The following RNGTT variants were observed in gnomAD, a reference collection of about 807,000 sequenced individuals.
The protein encoded by RNGTT is mRNA-capping enzyme.
In RNGTT, 33 loss-of-function variants were observed where a neutral mutation model predicts 79.3. The observed-to-expected ratio is 0.42, with a 90% CI of 0.32 to 0.56. The LOEUF is 0.56. Among genes scored for constraint, RNGTT ranks in the 20% least tolerant of loss-of-function variants. The pLI is 0.17. For synonymous variants in RNGTT, 222 were observed against 235.9 expected (o/e 0.94, Z 0.54); for missense variants, 497 against 739.1 (o/e 0.67, Z 3.80).
chr6:88,649,458 G>A (rs1773709798), intron 14 of RNGTT, among the ~76,000 whole-genome samples: 1 of 152,218 alleles, frequency 6.6e-6, no homozygotes, highest in Non-Finnish European at 1.5e-5. Flanking sequence ...CAGCACTTTG[G>A]GAGGCCGAGG....
chr6:88,614,644 C>T (rs1772153822), intron 14 of RNGTT, among the ~76,000 whole-genome samples: 1 of 152,124 alleles, frequency 6.6e-6, no homozygotes, highest in South Asian at 2.1e-4. Flanking sequence ...TTAAAAGAAG[C>T]TAGGCAGAAA....
intron 11 of RNGTT, among the ~76,000 whole-genome samples, chr6:88,836,046 T>C (rs1781067486): frequency 6.8e-6 from 1 of 146,484 alleles, no homozygotes; most frequent in African/African-American, 2.5e-5. Flanking sequence ...GATTTACATA[T>C]ATATATATAT....
chr6:88,668,550 T>C (rs1414619021), intron 14 of RNGTT, among the ~76,000 whole-genome samples: 1 of 152,208 alleles, frequency 6.6e-6, no homozygotes, highest in African/African-American at 2.4e-5. Context: ...TAAAATAACC[T>C]TTCTGTTTTA....
chr6:88,629,201 T>G (rs768731222), intron 14 of RNGTT, among the ~76,000 whole-genome samples: 5 of 152,182 alleles, frequency 3.3e-5, no homozygotes, highest in Non-Finnish European at 7.3e-5. Flanking sequence ...AAATGGGGAT[T>G]AAGTGCAATT....
At chr6:88,825,850 T>C (rs552203091) in intron 11 of RNGTT, among the ~76,000 whole-genome samples, 63 of 152,348 alleles carry the variant, frequency 4.1e-4, no homozygotes, top group African/African-American at 1.2e-3. Context: ...GTTTGCATTT[T>C]CCACTATCCT....
chr6:88,822,035 G>T (rs1780511603), intron 11 of RNGTT, among the ~76,000 whole-genome samples: 1 of 152,214 alleles, frequency 6.6e-6, no homozygotes, highest in South Asian at 2.1e-4. Context: ...ATTCTGTTAA[G>T]TGCTGTGCAG....
At chr6:88,872,621 C>T (rs912402329) in intron 8 of RNGTT, among the ~76,000 whole-genome samples, 1 of 151,866 alleles carries the variant, frequency 6.6e-6, no homozygotes, top group Non-Finnish European at 1.5e-5. Flanking sequence ...TCCCAAGAAA[C>T]GATGAGACAG....
chr6:88,913,077 C>T (rs535185466), intron 4 of RNGTT, among the ~76,000 whole-genome samples: 1 of 151,972 alleles, frequency 6.6e-6, no homozygotes, highest in Non-Finnish European at 1.5e-5. Flanking sequence ...TGGTGGCACA[C>T]GCCTGTAATC....
chr6:88,717,718 C>G (rs1344219774), intron 13 of RNGTT, among the ~76,000 whole-genome samples: 2 of 152,140 alleles, frequency 1.3e-5, no homozygotes, highest in Non-Finnish European at 2.9e-5. Flanking sequence ...CATGCCCTCT[C>G]TATCCAGGAA....
chr6:88,916,435 T>C (rs1194317914), intron 4 of RNGTT, among the ~76,000 whole-genome samples: 1 of 152,210 alleles, frequency 6.6e-6, no homozygotes, highest in East Asian at 1.9e-4. Context: ...ATGGCGTCAC[T>C]ACATTCCTGC....
At chr6:88,620,790 C>G (rs1015929955) in intron 14 of RNGTT, among the ~76,000 whole-genome samples, 2 of 152,106 alleles carry the variant, frequency 1.3e-5, no homozygotes, top group African/African-American at 4.8e-5. Context: ...AGGAGTTGGA[C>G]ACCATAAAAA....
At chr6:88,701,058 A>AATGT (rs1775927342) in intron 13 of RNGTT, among the ~76,000 whole-genome samples, 1 of 152,072 alleles carries the variant, frequency 6.6e-6, no homozygotes, top group East Asian at 1.9e-4. Flanking sequence ...ATGAAAGAAG[A>AATGT]ATGTATGTAT....
At chr6:88,656,118 C>A (rs1239310823) in intron 14 of RNGTT, among the ~76,000 whole-genome samples, 1 of 152,090 alleles carries the variant, frequency 6.6e-6, no homozygotes, top group African/African-American at 2.4e-5. Flanking sequence ...AGTCCCCAAT[C>A]CTCACATAAA....
chr6:88,791,004 C>A (rs528559330), intron 12 of RNGTT, among the ~76,000 whole-genome samples: 1 of 151,950 alleles, frequency 6.6e-6, no homozygotes, highest in Admixed American at 6.6e-5. Context: ...TGAAAAATGG[C>A]GACCTAGAGA....
intron 8 of RNGTT, among the ~76,000 whole-genome samples, chr6:88,871,021 C>T (rs556724086): frequency 2.7e-3 from 417 of 152,168 alleles, no homozygotes; most frequent in Non-Finnish European, 4.7e-3. Flanking sequence ...TCAGAAAATG[C>T]TGTTTGTAGT....
intron 8 of RNGTT, among the ~76,000 whole-genome samples, chr6:88,890,112 G>A (rs1782993381): frequency 6.6e-6 from 1 of 152,160 alleles, no homozygotes; most frequent in Non-Finnish European, 1.5e-5. Context: ...GAATCAGAGA[G>A]AGTTCATCAT....
At chr6:88,693,302 T>C (rs1037643847) in intron 13 of RNGTT, among the ~76,000 whole-genome samples, 5 of 152,020 alleles carry the variant, frequency 3.3e-5, no homozygotes, top group African/African-American at 1.2e-4. Flanking sequence ...ACGGATACCT[T>C]AGAAATACAA....
chr6:88,625,343 T>A (rs1364366889), intron 14 of RNGTT, among the ~76,000 whole-genome samples: 4 of 152,002 alleles, frequency 2.6e-5, no homozygotes, highest in African/African-American at 9.7e-5. Flanking sequence ...GCCCTTCAAA[T>A]GGTGAATAAA....
chr6:88,764,551 A>C (rs1778386036), intron 13 of RNGTT, among the ~76,000 whole-genome samples: 1 of 152,232 alleles, frequency 6.6e-6, no homozygotes, highest in African/African-American at 2.4e-5. Flanking sequence ...AAGACATTGA[A>C]TATTTCCAGT....
Sources: gnomAD v4.1 joint callset for allele counts (sites outside exome capture counted in the v4.1 genomes callset) on GRCh38, gnomAD v4.1.1 for gene constraint, MANE v1.5 for transcripts, NCBI Gene and HGNC (gene_info 2026-07-23, HGNC 2026-07-21) for gene names.